Variants in RNF10 observed in about 807,000 individuals in gnomAD.
RNF10 encodes E3 ubiquitin-protein ligase RNF10.
RNF10 carries 38 observed loss-of-function variants against 91.4 expected under a neutral mutation model. The ratio of observed to expected loss-of-function variants is 0.42; its 90% CI spans 0.32 to 0.54. The LOEUF is 0.54. RNF10 is among the 20% of genes least tolerant of loss of function. The pLI is 0.16. For missense variants in RNF10, 945 were observed against 1,012.0 expected (o/e 0.93, Z 0.90); for synonymous variants, 364 against 366.3 (o/e 0.99, Z 0.07).
chr12:120,539,693 C>G (rs1288757731), intron 1 of RNF10, among the ~76,000 whole-genome samples: 1 of 152,120 alleles, frequency 6.6e-6, no homozygotes, highest in Non-Finnish European at 1.5e-5. Flanking sequence ...TGTGGAACAA[C>G]TGAGAAGCTG....
chr12:120,535,489 A>G (rs952655929), intron 1 of RNF10: 1 of 152,230 alleles, frequency 6.6e-6, no homozygotes, highest in Non-Finnish European at 1.5e-5. Flanking sequence ...TTGTGGGGTT[A>G]AGAGCGCAGA....
chr12:120,549,288 G>GA (rs1872712900), intron 2 of RNF10, among the ~76,000 whole-genome samples: 1 of 152,168 alleles, frequency 6.6e-6, no homozygotes, highest in Non-Finnish European at 1.5e-5. Flanking sequence ...AGTTGTCTGG[G>GA]AAAGTGAGGG....
Position 120,554,634 on chromosome 12 carries a change from C to G in RNF10, c.555-84C>G, listed in dbSNP as rs187041853. The G allele has an allele frequency of 6.4e-6, 7 of 1,089,306 alleles. No individual in the cohort carries two copies. In the East Asian group the frequency reaches 1.7e-4, roughly 26 times the overall value. The allele number at this position is 1,089,306 out of a possible 1,614,324, so 67.5% of individuals were successfully genotyped here. ...GCTGCTAATGGCCTGCATTTGATTT[C>G]TAAGTGAATAGATGACAATTTCTGC... On this transcript the variant is annotated intron_variant, in intron 3 of 16. Transcript: ENST00000325954.
At chr12:120,564,669 G>A (rs1477560822) in intron 10 of RNF10, among the ~76,000 whole-genome samples, 1 of 152,134 alleles carries the variant, frequency 6.6e-6, no homozygotes, top group Non-Finnish European at 1.5e-5. Context: ...AGGGAGATCT[G>A]CTTTATCTTC....
intron 2 of RNF10, among the ~76,000 whole-genome samples, chr12:120,549,286 G>C (rs1010044323): frequency 2.0e-5 from 3 of 152,124 alleles, no homozygotes; most frequent in African/African-American, 4.8e-5. Flanking sequence ...GGAGTTGTCT[G>C]GGAAAGTGAG....
intron 10 of RNF10, 32 bp from the exon 11 acceptor site, chr12:120,565,040 T>G (rs771663009): frequency 1.4e-6 from 2 of 1,475,236 alleles, no homozygotes; most frequent in Non-Finnish European, 1.9e-6. Flanking sequence ...TAGGCTTGCT[T>G]TTGTTGAGTA....
At position 120,576,890 on chromosome 12, in the gene RNF10, C is replaced by T; in HGVS notation, c.*224C>T. ...AAAATAAAGTATTGACACAAGAGAT[C>T]TCTTCCTGCCAAGGTTTTTAGTTCA... On this transcript the variant is annotated 3_prime_UTR_variant, in exon 17 of 17. Transcript: ENST00000325954. 1 of 519,588 alleles carries T rather than the reference C, an allele frequency of 1.9e-6. No homozygotes were observed. The highest frequency in any genetic ancestry group is 3.3e-6 in the Non-Finnish European group (1 of 299,376). 32.2% of individuals were successfully genotyped at this position (519,588 alleles called of 1,614,324 possible). A position where few individuals can be genotyped will look rare whatever the true frequency, so the allele number is the denominator to read the frequency against.
chr12:120,573,456 T>C (rs1245512308), intron 14 of RNF10, among the ~76,000 whole-genome samples: 1 of 152,114 alleles, frequency 6.6e-6, no homozygotes, highest in Non-Finnish European at 1.5e-5. Flanking sequence ...AACATTTTGG[T>C]AAGAATAAGA....
At chr12:120,562,759 A>G (rs1354052150) in intron 7 of RNF10, among the ~76,000 whole-genome samples, 186 bp from the exon 8 acceptor site, 1 of 152,116 alleles carries the variant, frequency 6.6e-6, no homozygotes, top group Non-Finnish European at 1.5e-5. Context: ...CTTAGTGGGT[A>G]TTGCATGCTT....
chr12:120,542,928 T>C (rs1004000905), intron 1 of RNF10, among the ~76,000 whole-genome samples: 1 of 152,222 alleles, frequency 6.6e-6, no homozygotes, highest in Non-Finnish European at 1.5e-5. Flanking sequence ...CTAGCCTGTT[T>C]CTGTGACTGT....
intron 13 of RNF10, among the ~76,000 whole-genome samples, chr12:120,567,230 C>G (rs532108416): frequency 1.3e-5 from 2 of 152,128 alleles, no homozygotes; most frequent in Admixed American, 6.6e-5. Flanking sequence ...TGGAGTCTTC[C>G]CTTTGACCCA....
At chr12:120,549,506 C>A (rs149001705) in intron 2 of RNF10, among the ~76,000 whole-genome samples, 11 of 152,054 alleles carry the variant, frequency 7.2e-5, no homozygotes, top group Non-Finnish European at 1.3e-4. Flanking sequence ...GTGATGGGGC[C>A]GGGCGCAGTG....
chr12:120,561,214 G>A (rs1033272117), intron 7 of RNF10, among the ~76,000 whole-genome samples: 1 of 152,178 alleles, frequency 6.6e-6, no homozygotes, highest in South Asian at 2.1e-4. Context: ...GCAAGTTAGA[G>A]TTCTTTGTTT....
intron 3 of RNF10, among the ~76,000 whole-genome samples, chr12:120,553,476 C>T (rs1020263021): frequency 4.0e-5 from 6 of 148,878 alleles, no homozygotes; most frequent in African/African-American, 1.2e-4. Flanking sequence ...GATCTCAGCT[C>T]GCTGCAAGCT....
In RNF10 at chr12:120,559,975, C is replaced by T. The variant is rs190394640; in HGVS notation, c.968-751C>T. On this transcript the variant is annotated intron_variant, in intron 6 of 16. Transcript: ENST00000325954. Reference sequence around the variant, plus strand: ...GCCTCCCAAAGTGCTGAACGTGAGCCACCACACCCAGCTGGCTTGGTCTTA... The same window carrying T: ...GCCTCCCAAAGTGCTGAACGTGAGCTACCACACCCAGCTGGCTTGGTCTTA... Among the ~76,000 whole-genome samples, 368 of 151,720 alleles carry T rather than the reference C, an allele frequency of 2.4e-3. 4 individuals are homozygous for T. The highest frequency in any genetic ancestry group is 2.7e-3 in the Non-Finnish European group (183 of 67,896).
chr12:120,574,783 G>C (rs1235380288), intron 14 of RNF10: 2 of 278,036 alleles, frequency 7.2e-6, no homozygotes, highest in African/African-American at 2.3e-5. Flanking sequence ...AAAATTAGCC[G>C]GGCGTGGTGG....
At chr12:120,569,515 A>G (rs185561642) in intron 13 of RNF10, among the ~76,000 whole-genome samples, 15 of 142,816 alleles carry the variant, frequency 1.1e-4, no homozygotes, top group Non-Finnish European at 2.0e-4. Flanking sequence ...CAGATCATTA[A>G]ATACATTATT....
intron 10 of RNF10, among the ~76,000 whole-genome samples, chr12:120,564,513 T>G (rs926827469): frequency 2.0e-5 from 3 of 151,978 alleles, no homozygotes; most frequent in African/African-American, 7.3e-5. Flanking sequence ...TTGTCCCAGC[T>G]CCTCAGGAGG....
chr12:120,535,825 A>C (rs565747491), intron 1 of RNF10, among the ~76,000 whole-genome samples: 2 of 152,278 alleles, frequency 1.3e-5, no homozygotes, highest in African/African-American at 4.8e-5. Context: ...TACTAGGTGA[A>C]GTTTTTACCT....
Sources: gnomAD v4.1 joint callset for allele counts (sites outside exome capture counted in the v4.1 genomes callset) on GRCh38, gnomAD v4.1.1 for gene constraint, MANE v1.5 for transcripts, NCBI Gene and HGNC (gene_info 2026-07-23, HGNC 2026-07-21) for gene names.